Variants in FHAD1 observed in about 807,000 individuals in gnomAD.
The protein encoded by FHAD1 is forkhead associated phosphopeptide binding domain 1.
In FHAD1, 146 loss-of-function variants were observed where a neutral mutation model predicts 191.3. The ratio of observed to expected loss-of-function variants is 0.76; its 90% CI spans 0.67 to 0.88. The LOEUF is 0.88. Among genes scored for constraint, FHAD1 ranks in the 40% least tolerant of loss-of-function variants. The probability of loss-of-function intolerance (pLI) is 0.00; values close to 1 mark genes in which losing one functional copy is unlikely to be tolerated. For synonymous variants in FHAD1, 616 were observed against 672.3 expected (o/e 0.92, Z 1.29); for missense variants, 1,635 against 1,785.8 (o/e 0.92, Z 1.52).
At chr1:15,249,334 CTG>C (rs1453857766) in intron 1 of FHAD1, among the ~76,000 whole-genome samples, 4 of 150,714 alleles carry the variant, frequency 2.7e-5, no homozygotes, top group Non-Finnish European at 5.9e-5. Context: ...GGGTTTTACT[CTG>C]GAGGCATTTC....
At chr1:15,249,053 AATTGAGT>A (rs1211497815) in intron 1 of FHAD1, among the ~76,000 whole-genome samples, 1 of 152,160 alleles carries the variant, frequency 6.6e-6, no homozygotes, top group African/African-American at 2.4e-5. Context: ...ACCCATGGAG[AATTGAGT>A]TTAACAAAAA....
chr1:15,371,222 C>T (rs1463470771), intron 26 of FHAD1, among the ~76,000 whole-genome samples: 1 of 152,168 alleles, frequency 6.6e-6, no homozygotes, highest in Non-Finnish European at 1.5e-5. Context: ...GGCCCTATGC[C>T]AGGGATAGGA....
intron 10 of FHAD1, among the ~76,000 whole-genome samples, chr1:15,323,987 T>C (rs2101680882): frequency 6.6e-6 from 1 of 152,312 alleles, no homozygotes; most frequent in African/African-American, 2.4e-5. Context: ...TTAGGATGAC[T>C]CTGTATAGTG....
intron 14 of FHAD1, among the ~76,000 whole-genome samples, chr1:15,333,075 T>TCTC (rs1357839471): frequency 6.6e-6 from 1 of 152,190 alleles, no homozygotes; most frequent in African/African-American, 2.4e-5. Flanking sequence ...TAGTTGGTTC[T>TCTC]AAGAACTCAG....
At chr1:15,376,302 G>A (rs1438060968) in intron 28 of FHAD1, among the ~76,000 whole-genome samples, 1 of 152,068 alleles carries the variant, frequency 6.6e-6, no homozygotes. Flanking sequence ...TTGTTAGCCA[G>A]GATGGTCTTG....
intron 8 of FHAD1, chr1:15,314,366 C>T (rs181692187): frequency 2.0e-5 from 3 of 152,238 alleles, no homozygotes; most frequent in East Asian, 1.9e-4. Context: ...ACAGGAGCCC[C>T]GGGGGCACAC....
intron 23 of FHAD1, 55 bp downstream of exon 23, chr1:15,362,781 G>C (rs1342789083): frequency 7.0e-7 from 1 of 1,430,534 alleles, no homozygotes; most frequent in Non-Finnish European, 9.6e-7. Flanking sequence ...CCACCTGGGT[G>C]GGGGCAAACA....
rs1489171647 is a variant in FHAD1, at chr1:15,247,885, A to AGCTCTTTT, written c.-15+501_-15+508dup. 3.3e-5 allele frequency among the ~76,000 whole-genome samples: 5 copies of AGCTCTTTT among 152,294 alleles called. No homozygotes were observed. The South Asian group carries it at 8.3e-4, about 25-fold the overall frequency. On this transcript the variant is annotated intron_variant, in intron 1 of 33. Coordinates refer to ENST00000688493, the MANE Select transcript of FHAD1 (RefSeq NM_001391957.1). Reference sequence around the variant, plus strand: ...ATAAGCAGGGAGTGCAGATGCCTGAAGCTCTTTTGCTCTTTTGCATGGTCG... The same window carrying AGCTCTTTT: ...ATAAGCAGGGAGTGCAGATGCCTGAAGCTCTTTTGCTCTTTTGCTCTTTTGCATGGTCG...
chr1:15,382,006 G>A (rs912665776), intron 30 of FHAD1, 22 bp from the exon 31 acceptor site: 32 of 1,549,388 alleles, frequency 2.1e-5, no homozygotes, highest in Admixed American at 3.9e-5. Flanking sequence ...AAAAACAGAC[G>A]CCATCTCTCC....
chr1:15,253,937 A>AG (rs1480606373), intron 2 of FHAD1, among the ~76,000 whole-genome samples: 1 of 152,128 alleles, frequency 6.6e-6, no homozygotes, highest in African/African-American at 2.4e-5. Context: ...TATTAACTGT[A>AG]GGGTTTTTTT....
chr1:15,328,226 C>G, intron 12 of FHAD1, 51 bp from the exon 13 acceptor site: 1 of 1,425,236 alleles, frequency 7.0e-7, no homozygotes, highest in East Asian at 2.6e-5. Flanking sequence ...GGCCCCCCAC[C>G]CCTGTATGTT....
chr1:15,341,931 G>A, intron 16 of FHAD1, 43 bp downstream of exon 16: 1 of 1,525,542 alleles, frequency 6.6e-7, no homozygotes, highest in African/African-American at 1.4e-5. Flanking sequence ...GGAAACTGAT[G>A]AAATGGCCTT....
At chr1:15,372,671 T>A (rs1197661955) in intron 26 of FHAD1, among the ~76,000 whole-genome samples, 1 of 152,234 alleles carries the variant, frequency 6.6e-6, no homozygotes, top group Non-Finnish European at 1.5e-5. Context: ...TATATTATCT[T>A]CCATATCTAT....
chr1:15,377,418 C>T (rs1268041399), intron 28 of FHAD1, among the ~76,000 whole-genome samples: 1 of 152,184 alleles, frequency 6.6e-6, no homozygotes, highest in African/African-American at 2.4e-5. Context: ...ACAGACTGAC[C>T]CGCTCCCAAG....
chr1:15,388,350 T>A, intron 32 of FHAD1: 14 of 965,538 alleles, frequency 1.4e-5, no homozygotes, highest in Non-Finnish European at 1.9e-5. Context: ...CCCCAGGCCC[T>A]GCCCCACCTG....
rs71572149 is a variant in FHAD1, at chr1:15,318,993, ATT to A, written c.1365+1076_1365+1077del. On this transcript the variant is annotated intron_variant, in intron 10 of 33. Transcript: ENST00000688493. This position sits in a 1 kb window ranked among gnomAD's most constrained non-coding sequence, Gnocchi z 4.1. ...ATGGTTGTCATTGAGAAAACTAAGAATTTTTTTTTTTTAATAAATAAAGACAG... is the reference window on the plus strand; with the variant it reads ...ATGGTTGTCATTGAGAAAACTAAGAATTTTTTTTTTAATAAATAAAGACAG... Among the ~76,000 whole-genome samples, 1 of 148,262 alleles carries A rather than the reference ATT, an allele frequency of 6.7e-6. No homozygotes were observed. Among genetic ancestry groups the A allele is most frequent in the African/African-American group, 2.5e-5 (1 of 40,602 alleles).
rs147724933 is a variant in FHAD1 at position 15,318,912 on chromosome 1, G to T, written c.1365+984G>T. ...AAAATATCTTCGAGAGTCCTGAGCA[G>T]TGTGGACAGAATCTCTTTCTTTCCA... On this transcript the variant is annotated intron_variant, in intron 10 of 33. Coordinates refer to ENST00000688493, the MANE Select transcript of FHAD1 (RefSeq NM_001391957.1). The surrounding 1 kb of genome is among the most constrained non-coding windows in gnomAD (Gnocchi z 4.1). 5.0e-4 allele frequency among the ~76,000 whole-genome samples: 76 copies of T among 152,262 alleles called. 1 individual carries two copies. In the East Asian group the frequency reaches 0.015, roughly 29 times the overall value.
At chr1:15,374,417 A>G (rs1698984685) in intron 26 of FHAD1, 85 bp from the exon 27 acceptor site, 2 of 1,511,516 alleles carry the variant, frequency 1.3e-6, no homozygotes, top group Non-Finnish European at 1.8e-6. Flanking sequence ...GGGTTCCTCT[A>G]TACATGAATT....
chr1:15,284,466 G>A (rs868196534), intron 3 of FHAD1, among the ~76,000 whole-genome samples: 76 of 127,740 alleles, frequency 5.9e-4, no homozygotes, highest in Middle Eastern at 4.2e-3. Flanking sequence ...GCGACAGAGC[G>A]AGACTCCATC....
Sources: allele counts gnomAD v4.1 joint callset (sites outside exome capture counted in the v4.1 genomes callset), GRCh38; gene constraint gnomAD v4.1.1; non-coding constraint Gnocchi (gnomAD v3.1); transcripts MANE v1.5; gene names NCBI Gene and HGNC (gene_info 2026-07-23, HGNC 2026-07-21).